AP4S1: variants seen among roughly 807,000 people sequenced by gnomAD.
AP4S1 encodes the protein AP-4 complex subunit sigma-1.
AP4S1 carries 23 observed loss-of-function variants against 19.8 expected under a neutral mutation model. That is an observed-to-expected ratio of 1.16 (90% confidence interval 0.84 to 1.65). The LOEUF (loss-of-function observed/expected upper bound fraction) is 1.65. Ranked by LOEUF, AP4S1 falls within the 40% of genes most tolerant of loss-of-function variation. The probability of loss-of-function intolerance (pLI) is 0.00; values close to 1 mark genes in which losing one functional copy is unlikely to be tolerated. For synonymous variants in AP4S1, 46 were observed against 54.1 expected (o/e 0.85, Z 0.66); for missense variants, 166 against 172.8 (o/e 0.96, Z 0.22).
At chr14:31,074,523 A>G (rs1887248263) in intron 4 of AP4S1, among the ~76,000 whole-genome samples, 1 of 151,972 alleles carries the variant, frequency 6.6e-6, no homozygotes, top group South Asian at 2.1e-4. Context: ...TCTACTAACC[A>G]TACAAAAAAT....
At chr14:31,046,794 C>T (rs1885431714) in intron 1 of AP4S1, among the ~76,000 whole-genome samples, 1 of 146,712 alleles carries the variant, frequency 6.8e-6, no homozygotes, top group East Asian at 2.0e-4. Context: ...TGCAGTGAGC[C>T]GAGATCGTAC....
Position 31,095,682 on chromosome 14 carries a change from G to C in AP4S1, c.*2647G>C, listed in dbSNP as rs1440576840. 6.6e-6 allele frequency: 1 copy of C among 152,242 alleles called. No individual in the cohort carries two copies. The highest frequency in any genetic ancestry group is 1.5e-5 in the Non-Finnish European group (1 of 68,088). The allele number at this position is 152,242 out of a possible 1,614,324, so 9.4% of individuals were successfully genotyped here. On this transcript the variant is annotated 3_prime_UTR_variant, in exon 6 of 6. Transcript: ENST00000542754. ...GATCCATCTGCCTTCGCCTTCCAAAGTGTTGGGATTACAGGCCTGAGCCAC... is the reference window on the plus strand; with the variant it reads ...GATCCATCTGCCTTCGCCTTCCAAACTGTTGGGATTACAGGCCTGAGCCAC...
At chr14:31,033,498 C>T (rs1884536536) in intron 1 of AP4S1, among the ~76,000 whole-genome samples, 1 of 152,064 alleles carries the variant, frequency 6.6e-6, no homozygotes, top group Non-Finnish European at 1.5e-5. Flanking sequence ...AGGCGTGAGC[C>T]ACTCCGCCCG....
chr14:31,035,920 C>T (rs565660413), intron 1 of AP4S1, among the ~76,000 whole-genome samples: 17 of 151,522 alleles, frequency 1.1e-4, no homozygotes, highest in East Asian at 3.9e-4. Flanking sequence ...TTGGTAGAGA[C>T]GGGGTTTCAC....
chr14:31,082,875 G>A (rs920480117), intron 5 of AP4S1, among the ~76,000 whole-genome samples: 2 of 148,640 alleles, frequency 1.3e-5, no homozygotes, highest in East Asian at 2.0e-4. Flanking sequence ...CAGCCTGGGC[G>A]ACAGAGCGAG....
At chr14:31,058,092 TC>T (rs1886223501) in intron 1 of AP4S1, among the ~76,000 whole-genome samples, 1 of 142,964 alleles carries the variant, frequency 7.0e-6, no homozygotes, top group Non-Finnish European at 1.5e-5. Context: ...TCTTGTTTTT[TC>T]GCTTGTTTGT....
chr14:31,054,559 G>A (rs1245769547), intron 1 of AP4S1, among the ~76,000 whole-genome samples: 1 of 152,112 alleles, frequency 6.6e-6, no homozygotes, highest in East Asian at 1.9e-4. Flanking sequence ...GCAGGCACCT[G>A]TAGTCCCAGC....
At chr14:31,032,354 T>C (rs546078267) in intron 1 of AP4S1, among the ~76,000 whole-genome samples, 1 of 152,262 alleles carries the variant, frequency 6.6e-6, no homozygotes, top group East Asian at 1.9e-4. Context: ...CATGTGCATG[T>C]ATGATGTCAA....
intron 1 of AP4S1, among the ~76,000 whole-genome samples, chr14:31,032,484 G>T (rs1884457895): frequency 6.6e-6 from 1 of 151,594 alleles, no homozygotes; most frequent in Non-Finnish European, 1.5e-5. Context: ...GGCCTCTGAG[G>T]ACTGTATAGC....
Position 31,066,202 on chromosome 14 carries a change from A to G in AP4S1, c.6A>G (p.Ile2Met). 6.2e-7 allele frequency: 1 copy of G among 1,613,952 alleles called. No individual in the cohort carries two copies. The highest frequency in any genetic ancestry group is 1.1e-5 in the South Asian group (1 of 91,074). The part of the protein sequence containing the change: M[I>M]KFFLMVNKQG... ...ATACTGGCCAGGAAAGAAAAATGAT[A>G]AAATTTTTCCTCATGGTGAATAAAC... Residue 2 changes from isoleucine to methionine, a missense_variant, in exon 2 of 6, where the codon ATA becomes ATG. Transcript: ENST00000542754.
chr14:31,079,989 A>G (rs1364670567), intron 4 of AP4S1, among the ~76,000 whole-genome samples: 4 of 152,170 alleles, frequency 2.6e-5, no homozygotes, highest in African/African-American at 9.7e-5. Context: ...ACCTTTATAC[A>G]TACATACATA....
chr14:31,051,209 T>A (rs1221515401), intron 1 of AP4S1, among the ~76,000 whole-genome samples: 4 of 151,890 alleles, frequency 2.6e-5, no homozygotes, highest in Non-Finnish European at 5.9e-5. Flanking sequence ...TGAGCCATGT[T>A]TGCACCACTG....
At chr14:31,078,202 C>A (rs1887468941) in intron 4 of AP4S1, among the ~76,000 whole-genome samples, 1 of 152,132 alleles carries the variant, frequency 6.6e-6, no homozygotes, top group Admixed American at 6.5e-5. Flanking sequence ...TGGAGACTGG[C>A]TTTAAAATCT....
chr14:31,073,290 A>G (rs61976853), intron 4 of AP4S1: 209 of 303,498 alleles, frequency 6.9e-4, no homozygotes, highest in Admixed American at 1.1e-3. Flanking sequence ...GGAGATGGAG[A>G]CCATCCTGGC....
At chr14:31,053,151 G>A (rs1360122355) in intron 1 of AP4S1, among the ~76,000 whole-genome samples, 1 of 152,054 alleles carries the variant, frequency 6.6e-6, no homozygotes, top group African/African-American at 2.4e-5. Flanking sequence ...ATGTTGGCCA[G>A]GCTGGTCTTG....
At chr14:31,044,525 T>C (rs1322626870) in intron 1 of AP4S1, among the ~76,000 whole-genome samples, 1 of 151,800 alleles carries the variant, frequency 6.6e-6, no homozygotes, top group Non-Finnish European at 1.5e-5. Context: ...TTTTCTTTTT[T>C]TTAATAGAGA....
chr14:31,067,403 CTAA>C, intron 2 of AP4S1, among the ~76,000 whole-genome samples: 1 of 151,326 alleles, frequency 6.6e-6, no homozygotes, highest in South Asian at 2.1e-4. Flanking sequence ...GGTATATCTC[CTAA>C]TGCTATCCCT....
At chr14:31,054,869 A>T (rs946752001) in intron 1 of AP4S1, among the ~76,000 whole-genome samples, 87 of 26,020 alleles carry the variant, frequency 3.3e-3, no homozygotes, top group African/African-American at 7.1e-3. Context: ...CTCTGTCTCA[A>T]AAAAAAAAAA....
chr14:31,051,962 A>G (rs1885822056), intron 1 of AP4S1, among the ~76,000 whole-genome samples: 1 of 152,124 alleles, frequency 6.6e-6, no homozygotes, highest in Non-Finnish European at 1.5e-5. Flanking sequence ...TGCCCGGTCC[A>G]TATTCATTTT....
Sources: gnomAD v4.1 joint callset for allele counts (sites outside exome capture counted in the v4.1 genomes callset) on GRCh38, gnomAD v4.1.1 for gene constraint, MANE v1.5 for transcripts, NCBI Gene and HGNC (gene_info 2026-07-23, HGNC 2026-07-21) for gene names.